The following LINGO2 variants were observed in gnomAD, a reference collection of about 807,000 sequenced individuals.
The protein encoded by LINGO2 is leucine-rich repeat and immunoglobulin-like domain-containing nogo receptor-interacting protein 2.
LINGO2 carries 14 observed loss-of-function variants against 30.6 expected under a neutral mutation model. That is an observed-to-expected ratio of 0.46 (90% confidence interval 0.30 to 0.72). LINGO2 has a LOEUF of 0.72. Among genes scored for constraint, LINGO2 ranks in the 30% least tolerant of loss-of-function variants. The probability of loss-of-function intolerance (pLI) is 0.07; values close to 1 mark genes in which losing one functional copy is unlikely to be tolerated. For synonymous variants in LINGO2, 317 were observed against 288.5 expected, an observed-to-expected ratio of 1.10 and a Z score of -1.00; for missense variants, 729 against 751.7, an observed-to-expected ratio of 0.97 and a Z score of 0.35.
chr9:28,784,449 T>C, the LINGO2 span, among the ~76,000 whole-genome samples: 1 of 152,210 alleles, frequency 6.6e-6, no homozygotes, highest in Non-Finnish European at 1.5e-5. Context: ...ATTAGTAATT[T>C]AAACTAGACG....
At chr9:28,008,581 A>G (rs1378596646) in intron 5 of LINGO2, among the ~76,000 whole-genome samples, 3 of 57,474 alleles carry the variant, frequency 5.2e-5, no homozygotes, top group African/African-American at 7.4e-5. Context: ...ATTAGAATAG[A>G]TGAGTTTTAG....
chr9:28,231,006 T>A (rs944905366), intron 4 of LINGO2, among the ~76,000 whole-genome samples: 1 of 151,984 alleles, frequency 6.6e-6, no homozygotes, highest in African/African-American at 2.4e-5. Context: ...CTATGACCAC[T>A]ATTTATTCAG....
chr9:28,563,447 G>T (rs1207998753), intron 1 of LINGO2, among the ~76,000 whole-genome samples: 1 of 152,030 alleles, frequency 6.6e-6, no homozygotes, highest in Non-Finnish European at 1.5e-5. Context: ...GACAATAAAA[G>T]AATAATCCTC....
At chr9:28,284,318 C>A (rs928789298) in intron 4 of LINGO2, among the ~76,000 whole-genome samples, 86 of 152,238 alleles carry the variant, frequency 5.6e-4, no homozygotes, top group African/African-American at 2.0e-3. Flanking sequence ...TTTCTTTACA[C>A]CTCAGATTAG....
At chr9:28,757,018 CA>C in the LINGO2 span, among the ~76,000 whole-genome samples, 1 of 151,900 alleles carries the variant, frequency 6.6e-6, no homozygotes, top group Non-Finnish European at 1.5e-5. Context: ...TTAGTTATAA[CA>C]GTGATTATTA....
intron 2 of LINGO2, among the ~76,000 whole-genome samples, chr9:28,392,754 A>G (rs1396574296): frequency 1.3e-5 from 2 of 152,168 alleles, no homozygotes; most frequent in Non-Finnish European, 2.9e-5. Context: ...CCTTATTACA[A>G]TAAACTCAGG....
At chr9:28,577,018 C>T (rs985956616) in intron 1 of LINGO2, among the ~76,000 whole-genome samples, 4 of 152,124 alleles carry the variant, frequency 2.6e-5, no homozygotes, top group Admixed American at 1.3e-4. Context: ...CTTTAACCCC[C>T]AAACTGCCCC....
intron 1 of LINGO2, among the ~76,000 whole-genome samples, chr9:28,506,447 C>T (rs1246118244): frequency 6.1e-5 from 7 of 114,950 alleles, no homozygotes; most frequent in Admixed American, 5.9e-4. Flanking sequence ...CACACACACA[C>T]ACACACACAT....
intron 2 of LINGO2, among the ~76,000 whole-genome samples, chr9:28,467,615 A>G (rs1275032714): frequency 6.6e-6 from 1 of 152,182 alleles, no homozygotes; most frequent in African/African-American, 2.4e-5. Context: ...TAAAACTAGA[A>G]AACTACAGTA....
At chr9:27,972,751 C>G (rs1820415943) in intron 5 of LINGO2, among the ~76,000 whole-genome samples, 1 of 152,212 alleles carries the variant, frequency 6.6e-6, no homozygotes, top group Non-Finnish European at 1.5e-5. Context: ...TTCAATTTTT[C>G]CACATGGACT....
the LINGO2 span, among the ~76,000 whole-genome samples, chr9:29,045,861 C>T: frequency 6.6e-6 from 1 of 152,014 alleles, no homozygotes; most frequent in Non-Finnish European, 1.5e-5. Context: ...CTTTCACCTC[C>T]CTGGTTGGCT....
At chr9:28,178,803 A>T (rs1411780368) in intron 4 of LINGO2, among the ~76,000 whole-genome samples, 2 of 152,168 alleles carry the variant, frequency 1.3e-5, no homozygotes, top group Non-Finnish European at 2.9e-5. Context: ...AAGATTTCCA[A>T]TCCATGAAAC....
At position 28,503,240 on chromosome 9, in the gene LINGO2, C is replaced by T. The variant is rs144633972; in HGVS notation, c.-364-27215G>A. Among the ~76,000 whole-genome samples, 24 of 151,610 alleles carry T rather than the reference C, an allele frequency of 1.6e-4. No individual in the cohort carries two copies. In the East Asian group the frequency reaches 3.9e-3, roughly 24 times the overall value. ...TCTTTAGAAAGCCAAACAATGAATA[C>T]GAAAGTATATAAATACATTATAAAA... On this transcript the variant is annotated intron_variant, in intron 1 of 5. Transcript: ENST00000379992.
At chr9:28,979,573 G>A in the LINGO2 span, among the ~76,000 whole-genome samples, 1 of 151,984 alleles carries the variant, frequency 6.6e-6, no homozygotes, top group East Asian at 1.9e-4. Context: ...ATTCCAAATG[G>A]GACCTTTGGC....
the LINGO2 span, among the ~76,000 whole-genome samples, chr9:29,177,548 A>T: frequency 6.6e-6 from 1 of 152,218 alleles, no homozygotes; most frequent in Non-Finnish European, 1.5e-5. Flanking sequence ...CCAGAAAAAA[A>T]ACATGGATAT....
intron 5 of LINGO2, among the ~76,000 whole-genome samples, chr9:27,992,418 A>C (rs1466860803): frequency 3.3e-5 from 5 of 152,224 alleles, no homozygotes; most frequent in Admixed American, 2.0e-4. Flanking sequence ...TATTGAGTCT[A>C]TGTGCCATAT....
chr9:27,949,819 T>C, exon 6 of LINGO2: 2 of 1,613,962 alleles, frequency 1.2e-6, no homozygotes, highest in Non-Finnish European at 1.7e-6. Flanking sequence ...ATAGTGCTGA[T>C]GGGATTGTAG....
At chr9:28,175,649 AG>A (rs1377982876) in intron 4 of LINGO2, among the ~76,000 whole-genome samples, 1 of 152,206 alleles carries the variant, frequency 6.6e-6, no homozygotes, top group African/African-American at 2.4e-5. Flanking sequence ...TCCTTTGCTC[AG>A]GAACAGTCTC....
the LINGO2 span, among the ~76,000 whole-genome samples, chr9:29,133,807 C>T: frequency 2.0e-5 from 3 of 151,998 alleles, no homozygotes; most frequent in Non-Finnish European, 2.9e-5. Flanking sequence ...TTGTTCTCAA[C>T]AAAAGACAGA....
Sources: allele counts gnomAD v4.1 joint callset (sites outside exome capture counted in the v4.1 genomes callset), GRCh38; gene constraint gnomAD v4.1.1; transcripts MANE v1.5; gene names NCBI Gene and HGNC (gene_info 2026-07-23, HGNC 2026-07-21).